Variants in MAST4 observed in about 807,000 individuals in gnomAD.
The protein encoded by MAST4 is microtubule associated serine/threonine kinase family member 4, also known as microtubule-associated serine/threonine-protein kinase 4.
A neutral mutation model predicts 162.7 loss-of-function variants in MAST4; 89 were observed. The observed-to-expected ratio is 0.55, with a 90% confidence interval of 0.46 to 0.65. The LOEUF (loss-of-function observed/expected upper bound fraction) is 0.65. Ranked by LOEUF, MAST4 falls within the 30% of genes least tolerant of loss-of-function variation. The pLI is 0.00. For missense variants in MAST4, 3,153 were observed against 3,374.0 expected, an observed-to-expected ratio of 0.93 and a Z score of 1.62; for synonymous variants, 1,479 against 1,361.1, an observed-to-expected ratio of 1.09 and a Z score of -1.91.
At chr5:67,004,184 C>T (rs1057341017) in intron 4 of MAST4, among the ~76,000 whole-genome samples, 3 of 112,636 alleles carry the variant, frequency 2.7e-5, no homozygotes, top group Non-Finnish European at 2.2e-5. Context: ...GGGGCTGTCC[C>T]GGCACCGGCT....
chr5:66,605,489 A>T (rs967064638), intron 1 of MAST4, among the ~76,000 whole-genome samples: 1 of 152,184 alleles, frequency 6.6e-6, no homozygotes, highest in East Asian at 1.9e-4. Flanking sequence ...AATGAGAGGA[A>T]AATTACTTGT....
intron 4 of MAST4, among the ~76,000 whole-genome samples, chr5:66,935,251 C>T (rs1247382087): frequency 6.6e-6 from 1 of 152,196 alleles, no homozygotes; most frequent in Non-Finnish European, 1.5e-5. Context: ...AGGTCTGAGA[C>T]AGGCATCCCC....
chr5:66,915,575 A>G (rs1764060737), intron 4 of MAST4, among the ~76,000 whole-genome samples: 1 of 152,268 alleles, frequency 6.6e-6, no homozygotes, highest in South Asian at 2.1e-4. Flanking sequence ...TTGTCCATAG[A>G]TGAGTTTGTC....
chr5:66,959,255 C>T (rs1339037656), intron 4 of MAST4: 9 of 779,562 alleles, frequency 1.2e-5, no homozygotes, highest in Non-Finnish European at 2.2e-5. Flanking sequence ...ACCATGAAAG[C>T]CCAGCGGGAA....
chr5:66,596,901 T>A lies in MAST4; in HGVS notation c.246T>A (p.Ala82=), dbSNP rs1043762709. 2.3e-6 allele frequency: 3 copies of A among 1,282,746 alleles called. No homozygotes were observed. The highest frequency in any genetic ancestry group is 1.6e-5 in the African/African-American group (1 of 64,298). The allele number at this position is 1,282,746 out of a possible 1,614,324, so 79.5% of individuals were successfully genotyped here. Residue 82 remains alanine, a synonymous_variant, in exon 1 of 29, where the codon GCT becomes GCA. Transcript: ENST00000403625. ...TLGARAPAAW[A]PASVLLERGV... ...GCGCCCGGGCGCCCGCCGCGTGGGC[T>A]CCGGCAAGCGTGCTGCTGGAGCGCG...
rs559150413 is a variant in MAST4, at chr5:67,147,030, C to T, written c.3094+1651C>T. On this transcript the variant is annotated intron_variant, in intron 23 of 28. Coordinates refer to ENST00000403625, the MANE Select transcript of MAST4 (RefSeq NM_001164664.2). ...ACTATCTCTTAGTCTCCTCAGCCTG[C>T]TCACTACCGGAAAGGTAGGAGGGGA... is the stretch of plus-strand genomic sequence containing the variant. Among the ~76,000 whole-genome samples, 206 of 152,154 alleles carry T rather than the reference C, an allele frequency of 1.4e-3. 1 individual carries two copies. Among genetic ancestry groups the T allele is most frequent in the Non-Finnish European group, 2.1e-3 (145 of 68,006 alleles).
intron 10 of MAST4, among the ~76,000 whole-genome samples, chr5:67,108,928 C>T (rs1765902734): frequency 1.3e-5 from 2 of 151,942 alleles, no homozygotes; most frequent in African/African-American, 4.8e-5. Flanking sequence ...ATTTTTTAAT[C>T]CTTAGAGGAA....
At chr5:66,915,157 T>G (rs1406458930) in intron 4 of MAST4, among the ~76,000 whole-genome samples, 2 of 151,420 alleles carry the variant, frequency 1.3e-5, no homozygotes, top group Non-Finnish European at 2.9e-5. Context: ...TCCCAGCTAT[T>G]CAGGAGGCTG....
At chr5:66,799,528 A>G (rs2149693865) in intron 3 of MAST4, among the ~76,000 whole-genome samples, 1 of 152,304 alleles carries the variant, frequency 6.6e-6, no homozygotes, top group South Asian at 2.1e-4. Context: ...ATGACACCAG[A>G]TGAAATATCA....
intron 3 of MAST4, among the ~76,000 whole-genome samples, chr5:66,893,514 G>A (rs949144974): frequency 6.6e-6 from 1 of 152,110 alleles, no homozygotes; most frequent in Non-Finnish European, 1.5e-5. Context: ...ATAGGCATGA[G>A]CCACTGTGCC....
At chr5:66,727,972 G>A (rs1751624104) in intron 1 of MAST4, among the ~76,000 whole-genome samples, 1 of 152,082 alleles carries the variant, frequency 6.6e-6, no homozygotes, top group African/African-American at 2.4e-5. Flanking sequence ...TTGGGTTCAT[G>A]TTGAAAACCA....
intron 1 of MAST4, among the ~76,000 whole-genome samples, chr5:66,677,031 G>A (rs1747992699): frequency 6.6e-6 from 1 of 152,156 alleles, no homozygotes; most frequent in Non-Finnish European, 1.5e-5. Flanking sequence ...TAGATTTGCA[G>A]CCTGCATGAT....
chr5:66,950,703 G>T (rs1369962531), intron 4 of MAST4, among the ~76,000 whole-genome samples: 2 of 152,096 alleles, frequency 1.3e-5, no homozygotes, highest in Non-Finnish European at 2.9e-5. Context: ...TCGAAGCCTG[G>T]CTTGCTTCCA....
At chr5:66,845,126 T>TATACAC (rs1358855625) in intron 3 of MAST4, among the ~76,000 whole-genome samples, 151 of 67,146 alleles carry the variant, frequency 2.2e-3, no homozygotes, top group Middle Eastern at 0.011. Flanking sequence ...TATATATATA[T>TATACAC]ACACACACAC....
intron 5 of MAST4, among the ~76,000 whole-genome samples, chr5:67,069,815 A>C (rs1760715452): frequency 6.6e-6 from 1 of 151,798 alleles, no homozygotes; most frequent in Admixed American, 6.6e-5. Flanking sequence ...GAAGTCCTGC[A>C]ATAGTTACCA....
intron 1 of MAST4, among the ~76,000 whole-genome samples, chr5:66,635,974 T>TC (rs1745091385): frequency 1.7e-5 from 2 of 119,358 alleles, no homozygotes; most frequent in South Asian, 6.6e-4. Context: ...TTTTTTTTTT[T>TC]TCGAGACAGA....
chr5:66,876,486 C>T (rs188658603), intron 3 of MAST4, among the ~76,000 whole-genome samples: 1 of 152,248 alleles, frequency 6.6e-6, no homozygotes, highest in Admixed American at 6.5e-5. Flanking sequence ...GGAGACACTG[C>T]AGCTCCGAGG....
Position 67,166,127 on chromosome 5 carries a change from G to A in MAST4, c.6948G>A (p.Ala2316=). 1 of 1,601,960 alleles carries A rather than the reference G, an allele frequency of 6.2e-7. No homozygotes were observed. The highest frequency in any genetic ancestry group is 1.1e-5 in the South Asian group (1 of 89,342). ...GACACCCAGGGCCTAGTGAGCCAGCGGACCAGAAACTGTCCGCTGTTGGTG... is the reference window on the plus strand; with the variant it reads ...GACACCCAGGGCCTAGTGAGCCAGCAGACCAGAAACTGTCCGCTGTTGGTG... ...RPGHPGPSEP[A]DQKLSAVGEK... Residue 2316 remains alanine, a synonymous_variant, in exon 29 of 29, where the codon GCG becomes GCA. Transcript: ENST00000403625.
chr5:66,991,099 C>T (rs1011539990), intron 4 of MAST4, among the ~76,000 whole-genome samples: 5 of 152,176 alleles, frequency 3.3e-5, no homozygotes, highest in Admixed American at 6.5e-5. Flanking sequence ...ACAGAGACTA[C>T]AGGCATGAAA....
Sources: gnomAD v4.1 joint callset for allele counts (sites outside exome capture counted in the v4.1 genomes callset) on GRCh38, gnomAD v4.1.1 for gene constraint, MANE v1.5 for transcripts, NCBI Gene and HGNC (gene_info 2026-07-23, HGNC 2026-07-21) for gene names.